The following ATP10B variants were observed in gnomAD, a reference collection of about 807,000 sequenced individuals.
ATP10B encodes the protein phospholipid-transporting ATPase VB.
A neutral mutation model predicts 141.2 loss-of-function variants in ATP10B; 122 were observed. The ratio of observed to expected loss-of-function variants is 0.86; its 90% CI spans 0.75 to 1.00. The LOEUF (loss-of-function observed/expected upper bound fraction) is 1.00, where lower values mean the gene tolerates loss of function less well. Among genes scored for constraint, ATP10B ranks in the 50% least tolerant of loss-of-function variants. The pLI is 0.00. For synonymous variants in ATP10B, 685 were observed against 692.0 expected, an observed-to-expected ratio of 0.99 and a Z score of 0.16; for missense variants, 1,876 against 1,825.3, an observed-to-expected ratio of 1.03 and a Z score of -0.51.
intron 2 of ATP10B, among the ~76,000 whole-genome samples, chr5:160,734,094 G>A (rs557751592): frequency 1.3e-4 from 15 of 111,574 alleles, no homozygotes; most frequent in Non-Finnish European, 2.5e-4. Flanking sequence ...GTGACAGAGT[G>A]AGACTCCATC....
intron 2 of ATP10B, among the ~76,000 whole-genome samples, chr5:160,733,714 A>C (rs1006915079): frequency 4.0e-5 from 6 of 151,594 alleles, no homozygotes; most frequent in African/African-American, 9.7e-5. Flanking sequence ...TATATGTAAC[A>C]GTGATTTGAA....
intron 3 of ATP10B, among the ~76,000 whole-genome samples, chr5:160,708,011 G>A (rs1300185627): frequency 6.6e-6 from 1 of 152,150 alleles, no homozygotes; most frequent in Non-Finnish European, 1.5e-5. Flanking sequence ...ACTCTCTGAG[G>A]TCTAGTTTTC....
chr5:160,777,274 G>T (rs1231000817), intron 2 of ATP10B, among the ~76,000 whole-genome samples: 1 of 152,170 alleles, frequency 6.6e-6, no homozygotes, highest in African/African-American at 2.4e-5. Context: ...ACAGTATCTT[G>T]GTTTGGGGAA....
At chr5:160,676,264 G>A (rs1317823526) in intron 6 of ATP10B, among the ~76,000 whole-genome samples, 1 of 152,182 alleles carries the variant, frequency 6.6e-6, no homozygotes, top group Non-Finnish European at 1.5e-5. Context: ...GAAACACAGT[G>A]CTTCAGAGGA....
Position 160,606,759 on chromosome 5 carries a change from G to A in ATP10B, c.3160+6C>T. The stretch of plus-strand genomic sequence containing the variant: ...AGTGCCACCCGCATCTCAGTATGAT[G>A]GGTACCTATGGAAAGGGTCATGACG... On this transcript the variant is annotated splice_donor_region_variant and intron_variant, in intron 19 of 25. Transcript: ENST00000327245. 1 of 1,609,878 alleles carries A rather than the reference G, an allele frequency of 6.2e-7. No individual in the cohort carries two copies. Among genetic ancestry groups the A allele is most frequent in the Non-Finnish European group, 8.5e-7 (1 of 1,176,848 alleles).
At chr5:160,577,994 A>C (rs1007754143) in intron 24 of ATP10B, among the ~76,000 whole-genome samples, 11 of 152,136 alleles carry the variant, frequency 7.2e-5, no homozygotes, top group Non-Finnish European at 1.3e-4. Context: ...AGTTGTATGA[A>C]AATATCAAAC....
chr5:160,811,310 T>G (rs937484891), intron 1 of ATP10B, among the ~76,000 whole-genome samples: 9 of 152,096 alleles, frequency 5.9e-5, no homozygotes, highest in African/African-American at 2.2e-4. Flanking sequence ...GGGAAAGTAA[T>G]AGGACTTTAT....
At chr5:160,648,932 T>TG (rs947507732) in intron 8 of ATP10B, among the ~76,000 whole-genome samples, 3 of 150,818 alleles carry the variant, frequency 2.0e-5, no homozygotes, top group African/African-American at 7.3e-5. Context: ...TAAGGTTTTT[T>TG]TTTTTTTTTT....
At chr5:160,921,769 C>T in the ATP10B span, among the ~76,000 whole-genome samples, 1 of 152,210 alleles carries the variant, frequency 6.6e-6, no homozygotes, top group Non-Finnish European at 1.5e-5. Flanking sequence ...GACTCAAACA[C>T]AGGACATTCC....
rs200136535 is a variant in ATP10B, at chr5:160,606,790, C to G, written c.3135G>C (p.Lys1045Asn). 30 of 1,613,796 alleles carry G rather than the reference C, an allele frequency of 1.9e-5. No homozygotes were observed. The highest frequency in any genetic ancestry group is 2.3e-5 in the Non-Finnish European group (27 of 1,179,786). Residue 1045 changes from lysine to asparagine, a missense_variant, in exon 19 of 26, where the codon AAG becomes AAC. Transcript: ENST00000327245. ...CTATGGAAAGGGTCATGACGCGCAACTTGTCTCGCACCAGCTTGACTATCA... is the reference window on the plus strand; with the variant it reads ...CTATGGAAAGGGTCATGACGCGCAAGTTGTCTCGCACCAGCTTGACTATCA... ...KSMIVKLVRDKLRVMTLSIGD... is the reference protein window; with the variant it reads ...KSMIVKLVRDNLRVMTLSIGD...
intron 24 of ATP10B, among the ~76,000 whole-genome samples, chr5:160,575,868 A>G (rs1462935991): frequency 6.6e-6 from 1 of 152,194 alleles, no homozygotes; most frequent in Non-Finnish European, 1.5e-5. Context: ...CTTCAGGCAA[A>G]GCTGGATGCA....
At chr5:160,830,344 T>C (rs149029234) in intron 1 of ATP10B, among the ~76,000 whole-genome samples, 2 of 152,226 alleles carry the variant, frequency 1.3e-5, no homozygotes, top group East Asian at 3.9e-4. Context: ...ACTTTTTTAA[T>C]TGCTGTGTGT....
At chr5:160,596,771 C>T (rs997878968) in intron 22 of ATP10B, among the ~76,000 whole-genome samples, 3 of 152,234 alleles carry the variant, frequency 2.0e-5, no homozygotes, top group Middle Eastern at 6.8e-3. Context: ...AGAGCCAAAT[C>T]GTGAATGAAC....
At chr5:160,905,907 G>A in the ATP10B span, among the ~76,000 whole-genome samples, 1 of 152,104 alleles carries the variant, frequency 6.6e-6, no homozygotes, top group Non-Finnish European at 1.5e-5. Context: ...TGTGTCTGGA[G>A]TAAGAGGAAG....
chr5:160,590,947 T>C (rs1233133724), intron 23 of ATP10B, 112 bp downstream of exon 23: 6 of 848,526 alleles, frequency 7.1e-6, no homozygotes, highest in Non-Finnish European at 1.1e-5. Context: ...GCTACCTGTT[T>C]GAGCCTCTGC....
chr5:160,596,093 A>G (rs1256329650), intron 22 of ATP10B, among the ~76,000 whole-genome samples: 1 of 151,822 alleles, frequency 6.6e-6, no homozygotes, highest in Non-Finnish European at 1.5e-5. Context: ...CAACCAAAAA[A>G]GAGAATTTTA....
At chr5:160,863,279 G>C in the ATP10B span, among the ~76,000 whole-genome samples, 1 of 151,820 alleles carries the variant, frequency 6.6e-6, no homozygotes, top group Non-Finnish European at 1.5e-5. Flanking sequence ...CCTAGAGAAT[G>C]GTTACAACAC....
Position 160,564,972 on chromosome 5 carries a change from A to G in ATP10B, c.*481T>C, listed in dbSNP as rs1754444730. The G allele has an allele frequency of 6.5e-6, 1 of 153,982 alleles. No individual in the cohort carries two copies. The highest frequency in any genetic ancestry group is 6.5e-5 in the Admixed American group (1 of 15,486). 9.5% of individuals were successfully genotyped at this position (153,982 alleles called of 1,614,324 possible). A position where few individuals can be genotyped will look rare whatever the true frequency, so the allele number is the denominator to read the frequency against. ...GGATGTTAACCCCGATTCAGCCATT[A>G]CTGCAATACACTTGAGATGAAGCCC... On this transcript the variant is annotated 3_prime_UTR_variant, in exon 26 of 26. Transcript: ENST00000327245.
At chr5:160,604,859 C>T (rs545074778) in intron 19 of ATP10B, among the ~76,000 whole-genome samples, 2 of 152,240 alleles carry the variant, frequency 1.3e-5, no homozygotes, top group South Asian at 2.1e-4. Context: ...TGGTGAAATT[C>T]GATTTAAATT....
Sources: gnomAD v4.1 joint callset for allele counts (sites outside exome capture counted in the v4.1 genomes callset) on GRCh38, gnomAD v4.1.1 for gene constraint, MANE v1.5 for transcripts, NCBI Gene and HGNC (gene_info 2026-07-23, HGNC 2026-07-21) for gene names.